The following CRMP1 variants were observed in gnomAD, a reference collection of about 807,000 sequenced individuals.
The protein encoded by CRMP1 is dihydropyrimidinase-related protein 1.
Under a neutral mutation model 68.3 loss-of-function variants are expected in CRMP1, and 19 were observed. The ratio of observed to expected loss-of-function variants is 0.28; its 90% CI spans 0.19 to 0.41. The LOEUF is 0.41. Ranked by LOEUF, CRMP1 falls within the 10% of genes least tolerant of loss-of-function variation. The probability of loss-of-function intolerance (pLI) is 1.00; values close to 1 mark genes in which losing one functional copy is unlikely to be tolerated. For synonymous variants in CRMP1, 439 were observed against 399.6 expected (o/e 1.10, Z -1.18); for missense variants, 791 against 967.4 (o/e 0.82, Z 2.42).
At chr4:5,884,878 A>C (rs888533080) in intron 1 of CRMP1, among the ~76,000 whole-genome samples, 2 of 152,106 alleles carry the variant, frequency 1.3e-5, no homozygotes, top group African/African-American at 4.8e-5. Context: ...AGGGCTAGGA[A>C]GCCATGTGCC....
intron 13 of CRMP1, chr4:5,824,483 CCT>C (rs148717534): frequency 0.044 from 29,432 of 664,560 alleles, no homozygotes; most frequent in Middle Eastern, 0.06. Flanking sequence ...CACACGTCAT[CCT>C]CTCTCTCTCT....
chr4:5,825,755 G>A lies in CRMP1; in HGVS notation c.1804-96C>T, dbSNP rs1387130062. On this transcript the variant is annotated intron_variant, in intron 12 of 13. Transcript: ENST00000324989. This position sits in a 1 kb window ranked among gnomAD's most constrained non-coding sequence, Gnocchi z 4.4. ...AGCCCTGCGGGCGAGAGAGAAACCT[G>A]AGGTCACTTCAAATGTGCATGCACA... 1.0e-5 allele frequency: 13 copies of A among 1,305,520 alleles called. No homozygotes were observed. The highest frequency in any genetic ancestry group is 7.5e-6 in the Non-Finnish European group (7 of 937,430). The allele number at this position is 1,305,520 out of a possible 1,614,324, so 80.9% of individuals were successfully genotyped here.
At position 5,864,556 on chromosome 4, in the gene CRMP1, G is replaced by A. The variant is rs1713840317; in HGVS notation, c.470+2112C>T. The stretch of plus-strand genomic sequence containing the variant: ...CTGAATCGGTGCTCCAGGACCTACA[G>A]GTGCTGGGCCCCAGGGCGGGGGGCC... On this transcript the variant is annotated intron_variant, in intron 2 of 13. Coordinates refer to ENST00000324989, the MANE Select transcript of CRMP1 (RefSeq NM_001014809.3). 2.6e-5 allele frequency among the ~76,000 whole-genome samples: 4 copies of A among 152,208 alleles called. No individual in the cohort carries two copies. The South Asian group carries it at 8.3e-4, about 31-fold the overall frequency.
chr4:5,875,819 T>G (rs937026846), intron 1 of CRMP1, among the ~76,000 whole-genome samples: 1 of 150,566 alleles, frequency 6.6e-6, no homozygotes, highest in Non-Finnish European at 1.5e-5. Context: ...CATCCAACCT[T>G]ATAGTTTCTT....
At chr4:5,846,303 T>A (rs1020156309) in intron 6 of CRMP1, among the ~76,000 whole-genome samples, 64 of 152,110 alleles carry the variant, frequency 4.2e-4, no homozygotes, top group African/African-American at 1.0e-3. Flanking sequence ...CTCAAAAAAA[T>A]TTAAAAAAAA....
intron 8 of CRMP1, among the ~76,000 whole-genome samples, chr4:5,840,103 G>C (rs1194544477): frequency 1.3e-5 from 2 of 152,210 alleles, no homozygotes; most frequent in Non-Finnish European, 2.9e-5. Flanking sequence ...ACTGGCTGGG[G>C]ATTGAGGAAG....
At position 5,842,081 on chromosome 4, in the gene CRMP1, T is replaced by C. The variant is rs1377231847; in HGVS notation, c.1033-653A>G. Among the ~76,000 whole-genome samples the C allele has an allele frequency of 6.6e-6, 1 of 151,800 alleles. No individual in the cohort carries two copies. The highest frequency in any genetic ancestry group is 1.5e-5 in the Non-Finnish European group (1 of 67,966). On this transcript the variant is annotated intron_variant, in intron 7 of 13. Coordinates refer to ENST00000324989, the MANE Select transcript of CRMP1 (RefSeq NM_001014809.3). The surrounding 1 kb of genome is among the most constrained non-coding windows in gnomAD (Gnocchi z 4.5). The stretch of plus-strand genomic sequence containing the variant: ...GGTGAAACCCTGTCTCTACTGAAAA[T>C]ACAAAAAATTAGCCAGTGTGGTGGC...
Position 5,890,663 on chromosome 4 carries a change from G to T in CRMP1, c.381+1926C>A, listed in dbSNP as rs1401305375. 6.6e-6 allele frequency among the ~76,000 whole-genome samples: 1 copy of T among 152,238 alleles called. No homozygotes were observed. The highest frequency in any genetic ancestry group is 2.4e-5 in the African/African-American group (1 of 41,466). On this transcript the variant is annotated intron_variant, in intron 1 of 13. Coordinates refer to ENST00000324989, the MANE Select transcript of CRMP1 (RefSeq NM_001014809.3). The surrounding 1 kb of genome is among the most constrained non-coding windows in gnomAD (Gnocchi z 5.5). Reference sequence around the variant, plus strand: ...GGTGCCTGAGAAGCCATGGAGAAAGGCAGAGGGGACCACAGGGAGAAGAGG... The same window carrying T: ...GGTGCCTGAGAAGCCATGGAGAAAGTCAGAGGGGACCACAGGGAGAAGAGG...
chr4:5,871,222 C>G (rs1714415897), intron 1 of CRMP1, among the ~76,000 whole-genome samples: 2 of 152,178 alleles, frequency 1.3e-5, no homozygotes, highest in South Asian at 4.1e-4. Context: ...CTGATTCAAC[C>G]TCTTCATGTT....
rs2152478365 is a variant in CRMP1, at chr4:5,892,337, A to C, written c.381+252T>G. On this transcript the variant is annotated intron_variant, in intron 1 of 13. Coordinates refer to ENST00000324989, the MANE Select transcript of CRMP1 (RefSeq NM_001014809.3). The surrounding 1 kb of genome is among the most constrained non-coding windows in gnomAD (Gnocchi z 8.6). Reference sequence around the variant, plus strand: ...CAGAACCTCTCTCCCTTTCTGTAGAAGAGGAGCCGGGACTGGACCCGGGCG... The same window carrying C: ...CAGAACCTCTCTCCCTTTCTGTAGACGAGGAGCCGGGACTGGACCCGGGCG... 6.6e-6 allele frequency among the ~76,000 whole-genome samples: 1 copy of C among 151,474 alleles called. No individual in the cohort carries two copies. Among genetic ancestry groups the C allele is most frequent in the African/African-American group, 2.5e-5 (1 of 40,744 alleles).
At position 5,825,224 on chromosome 4, in the gene CRMP1, G is replaced by A; in HGVS notation, c.1969+270C>T. On this transcript the variant is annotated intron_variant, in intron 13 of 13. Transcript: ENST00000324989. This position sits in a 1 kb window ranked among gnomAD's most constrained non-coding sequence, Gnocchi z 4.4. ...GAAAGTGTCCCCAAATGTGTGTAAG[G>A]ATGAGCACTGGGACAATTTTGGTAC... The A allele has an allele frequency of 2.0e-6, 2 of 985,252 alleles. No individual in the cohort carries two copies. The highest frequency in any genetic ancestry group is 2.4e-6 in the Non-Finnish European group (2 of 829,906). 61.0% of individuals were successfully genotyped at this position (985,252 alleles called of 1,614,324 possible).
In CRMP1 at chr4:5,881,581, A is replaced by G. The variant is rs1715223956; in HGVS notation, c.381+11008T>C. On this transcript the variant is annotated intron_variant, in intron 1 of 13. Coordinates refer to ENST00000324989, the MANE Select transcript of CRMP1 (RefSeq NM_001014809.3). The surrounding 1 kb of genome is among the most constrained non-coding windows in gnomAD (Gnocchi z 4.6). ...CACTGCCCCGACCATGTTCTTTTAT[A>G]TGCTCTCACGGCAAAGTCCTCCGGT... Among the ~76,000 whole-genome samples, 1 of 152,060 alleles carries G rather than the reference A, an allele frequency of 6.6e-6. No individual in the cohort carries two copies. Among genetic ancestry groups the G allele is most frequent in the Non-Finnish European group, 1.5e-5 (1 of 68,006 alleles).
intron 6 of CRMP1, 50 bp downstream of exon 6, chr4:5,849,342 A>C: frequency 6.8e-7 from 1 of 1,465,646 alleles, no homozygotes; most frequent in East Asian, 2.3e-5. Context: ...ACCTTTTGCA[A>C]CAAGGAGAAT....
chr4:5,836,786 C>A lies in CRMP1; in HGVS notation c.1431G>T (p.Thr477=), dbSNP rs12331. The change falls in exon 10 of 14, where the codon ACG becomes ACT. Residue 477 remains threonine, a synonymous_variant. Transcript: ENST00000324989. ...TTACCACCGCCTTGTCCCAGACGAC[C>A]GTCATCCGCTCCTCTATCCCGTTGA... ...EGVNGIEERM[T]VVWDKAVATG... is the part of the protein sequence containing the mutation. 53 of 1,613,896 alleles carry A rather than the reference C, an allele frequency of 3.3e-5. No homozygotes were observed. The African/African-American group carries it at 4.3e-4, about 13-fold the overall frequency.
Position 5,843,168 on chromosome 4 carries a change from GACAAGA to G in CRMP1, c.964-13_964-8del. 1 of 1,614,128 alleles carries G rather than the reference GACAAGA, an allele frequency of 6.2e-7. No homozygotes were observed. The highest frequency in any genetic ancestry group is 8.5e-7 in the Non-Finnish European group (1 of 1,179,978). On this transcript the variant is annotated splice_region_variant and splice_polypyrimidine_tract_variant and intron_variant, in intron 6 of 13. Transcript: ENST00000324989. The surrounding 1 kb of genome is among the most constrained non-coding windows in gnomAD (Gnocchi z 4.1). ...CCAGGATCCGCTTTTGTTCCTACAAGACAAGAACAAGTGAGTTAACGATTAGAGGGT... is the reference window on the plus strand; with the variant it reads ...CCAGGATCCGCTTTTGTTCCTACAAGACAAGTGAGTTAACGATTAGAGGGT...
rs753272731 is a variant in CRMP1, at chr4:5,892,835, G to A, written c.135C>T (p.Asn45=). Reference sequence around the variant, plus strand: ...TGTAGGCGTCGAAGTCGATGGTCTTGTTCTCGTAGGCGCCCTCCACCGCGG... The same window carrying A: ...TGTAGGCGTCGAAGTCGATGGTCTTATTCTCGTAGGCGCCCTCCACCGCGG... ...MFAAVEGAYE[N]KTIDFDAYSV... is the part of the protein sequence containing the mutation. Residue 45 remains asparagine (N), a synonymous_variant, in exon 1 of 14, where the codon AAC becomes AAT. Transcript: ENST00000324989. The surrounding 1 kb of genome is among the most constrained non-coding windows in gnomAD (Gnocchi z 8.6). The A allele has an allele frequency of 7.1e-6, 10 of 1,416,088 alleles. No individual in the cohort carries two copies. The South Asian group carries it at 1.1e-4, about 15-fold the overall frequency. 87.7% of individuals were successfully genotyped at this position (1,416,088 alleles called of 1,614,324 possible).
intron 6 of CRMP1, among the ~76,000 whole-genome samples, chr4:5,846,794 T>C (rs1432257444): frequency 3.2e-5 from 3 of 92,506 alleles, no homozygotes; most frequent in African/African-American, 1.2e-4. Context: ...TTTTTTTTTT[T>C]AGTAGAGGCA....
chr4:5,871,246 A>T (rs11727595), intron 1 of CRMP1, among the ~76,000 whole-genome samples: 21,556 of 152,228 alleles, frequency 0.14, 2,007 homozygotes, highest in African/African-American at 0.26. Flanking sequence ...TCTTAAAATT[A>T]GTAGTTCCTT....
intron 9 of CRMP1, 66 bp downstream of exon 9, chr4:5,839,456 C>T (rs559118629): frequency 7.1e-6 from 11 of 1,541,582 alleles, no homozygotes; most frequent in Non-Finnish European, 8.8e-6. Flanking sequence ...CGGATTCCCA[C>T]CATTAACTCT....
Sources: allele counts gnomAD v4.1 joint callset (sites outside exome capture counted in the v4.1 genomes callset), GRCh38; gene constraint gnomAD v4.1.1; non-coding constraint Gnocchi (gnomAD v3.1); transcripts MANE v1.5; gene names NCBI Gene and HGNC (gene_info 2026-07-23, HGNC 2026-07-21).